The following GAMT variants were observed in gnomAD, a reference collection of about 807,000 sequenced individuals.
GAMT encodes the protein guanidinoacetate N-methyltransferase, also known as epididymis secretory protein Li 20.
A neutral mutation model predicts 26.9 loss-of-function variants in GAMT; 26 were observed. The observed-to-expected ratio is 0.97, with a 90% CI of 0.71 to 1.34. The LOEUF (loss-of-function observed/expected upper bound fraction) is 1.34. Ranked by LOEUF, GAMT falls within the 40% of genes most tolerant of loss-of-function variation. The pLI, the probability that GAMT is intolerant of heterozygous loss-of-function variation, is 0.00. For missense variants in GAMT, 412 were observed against 345.0 expected (o/e 1.19, Z -1.54); for synonymous variants, 169 against 149.6 (o/e 1.13, Z -0.95).
chr19:1,398,419 ATTTT>A, intron 5 of GAMT: 1 of 337,518 alleles, frequency 3.0e-6, no homozygotes, highest in Non-Finnish European at 5.3e-6. Context: ...TTTTTTTTAA[ATTTT>A]CTTTCTTTCT....
chr19:1,397,600 G>A (rs889260261), intron 5 of GAMT, 101 bp from the exon 6 acceptor site: 50 of 1,542,114 alleles, frequency 3.2e-5, no homozygotes, highest in Non-Finnish European at 4.3e-5. Flanking sequence ...GGCAAGGCCC[G>A]GGTGGGCGGC....
chr19:1,399,036 G>T lies in GAMT; in HGVS notation c.460-10C>A. The T allele has an allele frequency of 1.9e-6, 3 of 1,613,448 alleles. No homozygotes were observed. Among genetic ancestry groups the T allele is most frequent in the Non-Finnish European group, 2.5e-6 (3 of 1,180,000 alleles). On this transcript the variant is annotated splice_polypyrimidine_tract_variant and intron_variant, in intron 4 of 5. Transcript: ENST00000252288. The surrounding 1 kb of genome is among the most constrained non-coding windows in gnomAD (Gnocchi z 6.2). The stretch of plus-strand genomic sequence containing the variant: ...GGCGAAAGGCGTGGTTCTGTGGAAG[G>T]GGAGTGGCCAGTGGTCAGGACGGAG...
rs1262024771 is a variant in GAMT at position 1,401,420 on chromosome 19, C to G, written c.57G>C (p.Ala19=). ...CGTAGGCCGCGGGCGCCGCCCCCCACGCGGGGCTGCAGTTCTCGCCGGGCG... is the reference window on the plus strand; with the variant it reads ...CGTAGGCCGCGGGCGCCGCCCCCCAGGCGGGGCTGCAGTTCTCGCCGGGCG... The part of the protein sequence containing the change: ...IFAPGENCSP[A]WGAAPAAYDA... Residue 19 remains alanine (A), a synonymous_variant, in exon 1 of 6, where the codon GCG becomes GCC. Coordinates refer to ENST00000252288, the MANE Select transcript of GAMT (RefSeq NM_000156.6). The G allele has an allele frequency of 6.9e-7, 1 of 1,446,704 alleles. No homozygotes were observed. Among genetic ancestry groups the G allele is most frequent in the Non-Finnish European group, 9.1e-7 (1 of 1,101,536 alleles). 89.6% of individuals were successfully genotyped at this position (1,446,704 alleles called of 1,614,324 possible).
chr19:1,398,976 G>A lies in GAMT; in HGVS notation c.510C>T (p.Asn170=). ...LKPGGVLTYC[N]LTSWGELMKS... ...TCATCAGCTCCCCCCAGGAGGTGAG[G>A]TTGCAGTAGGTGAGGACGCCCCCCG... The change falls in exon 5 of 6, where the codon AAC becomes AAT. Residue 170 remains asparagine, a synonymous_variant. Transcript: ENST00000252288. The A allele has an allele frequency of 6.2e-7, 1 of 1,613,480 alleles. No individual in the cohort carries two copies. The highest frequency in any genetic ancestry group is 1.3e-5 in the African/African-American group (1 of 75,048).
At chr19:1,398,225 G>A (rs1367316424) in intron 5 of GAMT, 7 of 353,624 alleles carry the variant, frequency 2.0e-5, no homozygotes, top group African/African-American at 6.7e-5. Context: ...AGCCTCCCGA[G>A]TAGCTGGAAT....
intron 1 of GAMT, 125 bp from the exon 2 acceptor site, chr19:1,400,063 G>T: frequency 8.5e-7 from 1 of 1,179,016 alleles, no homozygotes; most frequent in Non-Finnish European, 1.2e-6. Context: ...GGGCTGGGCT[G>T]GGGGTCTGCC....
intron 1 of GAMT, among the ~76,000 whole-genome samples, chr19:1,401,063 C>A (rs1056953055): frequency 6.6e-6 from 1 of 152,210 alleles, no homozygotes; most frequent in Non-Finnish European, 1.5e-5. Context: ...GGGCCTCACT[C>A]CCCCTGGAGA....
chr19:1,398,061 G>A, intron 5 of GAMT: 10 of 999,248 alleles, frequency 1.0e-5, no homozygotes, highest in Non-Finnish European at 1.2e-5. Context: ...AGCCATGGGA[G>A]GTTGTTGAGC....
At chr19:1,397,977 C>A (rs2082610210) in intron 5 of GAMT, 1 of 1,035,094 alleles carries the variant, frequency 9.7e-7, no homozygotes, top group African/African-American at 1.7e-5. Context: ...GCTGAACCAG[C>A]AAAGACAGCC....
chr19:1,399,451 C>T lies in GAMT; in HGVS notation c.391+73G>A, dbSNP rs529219325. 1 of 1,384,628 alleles carries T rather than the reference C, an allele frequency of 7.2e-7. No homozygotes were observed. The highest frequency in any genetic ancestry group is 1.0e-6 in the Non-Finnish European group (1 of 994,474). The allele number at this position is 1,384,628 out of a possible 1,614,324, so 85.8% of individuals were successfully genotyped here. A position where few individuals can be genotyped will look rare whatever the true frequency, so the allele number is the denominator to read the frequency against. ...GTCCCCCCAGTGCACATCAGAGGGA[C>T]CCCCACAAGCAAAGGAGGGGCTGCA... On this transcript the variant is annotated intron_variant, in intron 3 of 5. Transcript: ENST00000252288. The surrounding 1 kb of genome is among the most constrained non-coding windows in gnomAD (Gnocchi z 6.2).
intron 5 of GAMT, chr19:1,397,911 A>G: frequency 9.1e-7 from 1 of 1,103,528 alleles, no homozygotes; most frequent in Non-Finnish European, 1.1e-6. Context: ...AACCACATAG[A>G]GCCCTTCTCA....
intron 5 of GAMT, 38 bp downstream of exon 5, chr19:1,398,878 C>G (rs370755847): frequency 1.9e-6 from 3 of 1,611,514 alleles, no homozygotes; most frequent in Non-Finnish European, 2.5e-6. Flanking sequence ...TCCAAGGTCA[C>G]TTCCTGGAGA....
In GAMT at chr19:1,401,298, T is replaced by C. The variant is rs1228556317; in HGVS notation, c.179A>G (p.Lys60Arg). Residue 60 changes from lysine to arginine, a missense_variant and splice_region_variant, in exon 1 of 6, where the codon AAA becomes AGA. Physicochemically the swap from Lys to Arg is conservative, Grantham distance 26. Transcript: ENST00000252288. ...GGTGCAGGCCGGGCGGGGGCTACCTTTGGAGGAGGCGGCGGCGGCCAGCGC... is the reference window on the plus strand; with the variant it reads ...GGTGCAGGCCGGGCGGGGGCTACCTCTGGAGGAGGCGGCGGCGGCCAGCGC... The part of the protein sequence containing the change: ...MHALAAAASS[K>R]GGRVLEVGFG... The C allele has an allele frequency of 9.3e-6, 14 of 1,504,738 alleles. No homozygotes were observed. The highest frequency in any genetic ancestry group is 1.4e-5 in the African/African-American group (1 of 69,684). 93.2% of individuals were successfully genotyped at this position (1,504,738 alleles called of 1,614,324 possible). A position where few individuals can be genotyped will look rare whatever the true frequency, so the allele number is the denominator to read the frequency against.
In GAMT at chr19:1,397,132, T is replaced by C; in HGVS notation, c.*227A>G. ...GCCCAGCGCCGGCGTTTACTTCACCTCAGGGACCCTGCAGTGGGCAGCAGT... is the reference window on the plus strand; with the variant it reads ...GCCCAGCGCCGGCGTTTACTTCACCCCAGGGACCCTGCAGTGGGCAGCAGT... On this transcript the variant is annotated 3_prime_UTR_variant, in exon 6 of 6. Coordinates refer to ENST00000252288, the MANE Select transcript of GAMT (RefSeq NM_000156.6). 1 of 588,574 alleles carries C rather than the reference T, an allele frequency of 1.7e-6. No individual in the cohort carries two copies. The highest frequency in any genetic ancestry group is 3.0e-6 in the Non-Finnish European group (1 of 335,416). The allele number at this position is 588,574 out of a possible 1,614,324, so 36.5% of individuals were successfully genotyped here.
Position 1,401,439 on chromosome 19 carries a change from C to A in GAMT, c.38G>T (p.Gly13Val). The A allele has an allele frequency of 7.1e-7, 1 of 1,411,910 alleles. No individual in the cohort carries two copies. The highest frequency in any genetic ancestry group is 9.2e-7 in the Non-Finnish European group (1 of 1,082,694). 87.5% of individuals were successfully genotyped at this position (1,411,910 alleles called of 1,614,324 possible). A position where few individuals can be genotyped will look rare whatever the true frequency, so the allele number is the denominator to read the frequency against. ...APSATPIFAP[G>V]ENCSPAWGAA... ...CCCCCACGCGGGGCTGCAGTTCTCG[C>A]CGGGCGCGAAGATGGGGGTCGCGCT... Residue 13 changes from glycine to valine, a missense_variant, in exon 1 of 6, where the codon GGC becomes GTC. Physicochemically the swap from Gly to Val is moderately radical, Grantham distance 109. Coordinates refer to ENST00000252288, the MANE Select transcript of GAMT (RefSeq NM_000156.6).
At position 1,399,239 on chromosome 19, in the gene GAMT, C is replaced by CGCCTCACCCA. The variant is rs752148967; in HGVS notation, c.392-54_392-45dup. 12 of 1,601,278 alleles carry CGCCTCACCCA rather than the reference C, an allele frequency of 7.5e-6. No individual in the cohort carries two copies. The highest frequency in any genetic ancestry group is 6.7e-5 in the Admixed American group (4 of 59,990). On this transcript the variant is annotated intron_variant, in intron 3 of 5. Transcript: ENST00000252288. This position sits in a 1 kb window ranked among gnomAD's most constrained non-coding sequence, Gnocchi z 6.2. ...CCCACGCGGTCAGGGCCGGGCTCAG[C>CGCCTCACCCA]GCCTCACCCAGCCTCACCCGGCTCA...
chr19:1,401,481 C>G lies in GAMT; in HGVS notation c.-5G>C. The G allele has an allele frequency of 3.0e-6, 4 of 1,325,942 alleles. No individual in the cohort carries two copies. Among genetic ancestry groups the G allele is most frequent in the Non-Finnish European group, 2.9e-6 (3 of 1,038,260 alleles). The allele number at this position is 1,325,942 out of a possible 1,614,324, so 82.1% of individuals were successfully genotyped here. ...GGTCGCGCTGGGGGCGCTCATGCTG[C>G]AGGCTGGACGGCGACCCGACCTCGA... is the stretch of plus-strand genomic sequence containing the variant. On this transcript the variant is annotated 5_prime_UTR_variant, in exon 1 of 6. Coordinates refer to ENST00000252288, the MANE Select transcript of GAMT (RefSeq NM_000156.6).
intron 1 of GAMT, 131 bp downstream of exon 1, chr19:1,401,164 AG>A: frequency 2.5e-6 from 2 of 787,484 alleles, no homozygotes; most frequent in Non-Finnish European, 3.6e-6. Context: ...CCCCACCTGC[AG>A]CCCCACTTCC....
chr19:1,400,938 G>A (rs1162830012), intron 1 of GAMT, among the ~76,000 whole-genome samples: 6 of 152,202 alleles, frequency 3.9e-5, no homozygotes, highest in African/African-American at 9.6e-5. Context: ...CAGGCAGAAG[G>A]GCAGCCTCTC....
Sources: gnomAD v4.1 joint callset for allele counts (sites outside exome capture counted in the v4.1 genomes callset) on GRCh38, gnomAD v4.1.1 for gene constraint, Gnocchi (gnomAD v3.1) non-coding constraint, MANE v1.5 for transcripts, NCBI Gene and HGNC (gene_info 2026-07-23, HGNC 2026-07-21) for gene names.